Variants in INPP5B observed in about 807,000 individuals in gnomAD.
The protein encoded by INPP5B is type II inositol 1,4,5-trisphosphate 5-phosphatase.
INPP5B carries 90 observed loss-of-function variants against 118.5 expected under a neutral mutation model. That is an observed-to-expected ratio of 0.76 (90% CI 0.64 to 0.90). The LOEUF (loss-of-function observed/expected upper bound fraction) is 0.90, where lower values mean the gene tolerates loss of function less well. Ranked by LOEUF, INPP5B falls within the 40% of genes least tolerant of loss-of-function variation. The probability of loss-of-function intolerance (pLI) is 0.00; values close to 1 mark genes in which losing one functional copy is unlikely to be tolerated. For synonymous variants in INPP5B, 385 were observed against 418.9 expected, an observed-to-expected ratio of 0.92 and a Z score of 0.99; for missense variants, 984 against 1,125.6, an observed-to-expected ratio of 0.87 and a Z score of 1.80.
At chr1:37,908,524 G>T (rs541522918) in intron 7 of INPP5B, among the ~76,000 whole-genome samples, 8 of 151,244 alleles carry the variant, frequency 5.3e-5, no homozygotes, top group African/African-American at 1.5e-4. Flanking sequence ...GATAGCTTGA[G>T]CCCAGGAGTT....
At chr1:37,889,792 C>T (rs1042906852) in intron 8 of INPP5B, 68 bp from the exon 9 acceptor site, 1 of 1,238,922 alleles carries the variant, frequency 8.1e-7, no homozygotes, top group Non-Finnish European at 1.1e-6. Context: ...GAATACAAAG[C>T]TAAAAGTTCC....
intron 7 of INPP5B, chr1:37,930,342 G>A (rs1384478597): frequency 1.3e-5 from 2 of 152,220 alleles, no homozygotes; most frequent in Non-Finnish European, 2.9e-5. Flanking sequence ...ACATTTCTCA[G>A]TCGGGGCAGC....
intron 16 of INPP5B, 150 bp downstream of exon 16, chr1:37,878,037 AC>A: frequency 1.1e-5 from 10 of 934,764 alleles, no homozygotes; most frequent in Non-Finnish European, 1.3e-5. Context: ...ACAATTATTA[AC>A]CAAGTTGTTA....
At chr1:37,940,928 G>A (rs1448230880) in intron 5 of INPP5B, 130 bp from the exon 6 acceptor site, 2 of 602,788 alleles carry the variant, frequency 3.3e-6, no homozygotes, top group Non-Finnish European at 5.9e-6. Flanking sequence ...CAACTTACTT[G>A]GGACAGCTGC....
In INPP5B at chr1:37,887,402, C is replaced by T. The variant is rs139833474; in HGVS notation, c.963G>A (p.Glu321=). Reference sequence around the variant, plus strand: ...GACCCTCTGACACAGCTTTGAACCACTCTTCCTCCTTTGGGGTATCGTGAA... The same window carrying T: ...GACCCTCTGACACAGCTTTGAACCATTCTTCCTCCTTTGGGGTATCGTGAA... ...FFFHDTPKEE[E]WFKAVSEGLH... The change falls in exon 11 of 24, where the codon GAG becomes GAA. Residue 321 remains glutamate (E), a synonymous_variant. Transcript: ENST00000373024. 2,987 of 1,613,932 alleles carry T rather than the reference C, an allele frequency of 1.9e-3. 5 individuals are homozygous for T. Among genetic ancestry groups the T allele is most frequent in the Non-Finnish European group, 2.3e-3 (2,748 of 1,179,838 alleles).
At chr1:37,922,522 C>G (rs999898611) in intron 7 of INPP5B, among the ~76,000 whole-genome samples, 7 of 151,378 alleles carry the variant, frequency 4.6e-5, no homozygotes, top group Non-Finnish European at 1.0e-4. Flanking sequence ...GGTGAAACCC[C>G]ATCTCTACTA....
intron 20 of INPP5B, among the ~76,000 whole-genome samples, 164 bp from the exon 21 acceptor site, chr1:37,866,707 T>C (rs1178110043): frequency 6.6e-6 from 1 of 152,228 alleles, no homozygotes; most frequent in African/African-American, 2.4e-5. Context: ...CGAATTCATC[T>C]TGCAGGCCTT....
At position 37,901,780 on chromosome 1, in the gene INPP5B, C is replaced by T. The variant is rs74375449; in HGVS notation, c.533-10326G>A. 0.017 allele frequency among the ~76,000 whole-genome samples: 2,514 copies of T among 152,186 alleles called. 149 individuals are homozygous for T. The East Asian group carries it at 0.22, about 13-fold the overall frequency. ...GCACGGAAGCTGGCTGTCAGAGCAG[C>T]TCTTGACCAGATTTGCCATTACACA... On this transcript the variant is annotated intron_variant, in intron 7 of 23. Coordinates refer to ENST00000373024, the MANE Select transcript of INPP5B (RefSeq NM_005540.3).
intron 7 of INPP5B, among the ~76,000 whole-genome samples, chr1:37,896,630 C>A (rs1454734412): frequency 2.4e-4 from 34 of 143,218 alleles, no homozygotes; most frequent in Middle Eastern, 4.3e-3. Flanking sequence ...GCCAGCCGCC[C>A]CGTCCGGGAG....
chr1:37,894,364 T>C (rs867578305), intron 7 of INPP5B, among the ~76,000 whole-genome samples: 7 of 152,138 alleles, frequency 4.6e-5, no homozygotes, highest in Non-Finnish European at 8.8e-5. Context: ...ACAGTCTTGA[T>C]TGCTGTGTAC....
rs1165929532 is a variant in INPP5B at position 37,931,993 on chromosome 1, T to A, written c.452A>T (p.Glu151Val). The A allele has an allele frequency of 6.2e-7, 1 of 1,613,560 alleles. No individual in the cohort carries two copies. Among genetic ancestry groups the A allele is most frequent in the South Asian group, 1.1e-5 (1 of 91,062 alleles). Residue 151 changes from glutamate (E) to valine (V), a missense_variant, in exon 7 of 24, where the codon GAG (glutamate) becomes GTG (valine). By Grantham distance (121) the Glu-to-Val change is moderately radical (BLOSUM62 -2). Around this residue, in one of 2 missense-constraint regions of INPP5B, gnomAD observed 350 missense variants for 334.6 expected, o/e 1.05. Transcript: ENST00000373024. ...CGGCGTTGGCATCTCCAGCTCCAGC[T>A]CTGCGCACCTATACCGAGACAGCCA... The part of the protein sequence containing the change: ...FLWLSRYRCA[E>V]LELEMPTPRG...
In INPP5B at chr1:37,878,339, C is replaced by G. The variant is rs1403528871; in HGVS notation, c.1542-16G>C. ...GCACTTCTCACTGAAATGCAAAGTC[C>G]ACACTGGAAGTACTCACAGAAACAG... On this transcript the variant is annotated splice_polypyrimidine_tract_variant and intron_variant, in intron 15 of 23. Transcript: ENST00000373024. The G allele has an allele frequency of 6.2e-7, 1 of 1,613,400 alleles. No homozygotes were observed. The highest frequency in any genetic ancestry group is 1.3e-5 in the African/African-American group (1 of 74,926).
chr1:37,943,699 G>C (rs1446046270), intron 4 of INPP5B, 30 bp from the exon 5 acceptor site: 1 of 1,613,882 alleles, frequency 6.2e-7, no homozygotes, highest in East Asian at 2.2e-5. Flanking sequence ...AATGCCCTTA[G>C]CAATTGAGCT....
intron 15 of INPP5B, among the ~76,000 whole-genome samples, chr1:37,879,265 C>T (rs936162412): frequency 2.7e-5 from 4 of 149,702 alleles, no homozygotes; most frequent in Admixed American, 6.6e-5. Context: ...AGTGAGACTC[C>T]GTCTCAAAAA....
intron 18 of INPP5B, 47 bp downstream of exon 18, chr1:37,873,946 G>C (rs148391949): frequency 7.1e-7 from 1 of 1,413,692 alleles, no homozygotes; most frequent in East Asian, 2.4e-5. Flanking sequence ...TATAGAGTAA[G>C]GCATTCCCCA....
chr1:37,872,370 CA>C (rs371968500), intron 19 of INPP5B, among the ~76,000 whole-genome samples: 20 of 102,096 alleles, frequency 2.0e-4, no homozygotes, highest in South Asian at 3.6e-4. Context: ...AACTCCGTCT[CA>C]AAAAAAAAAA....
At chr1:37,932,868 C>G (rs1645542667) in intron 6 of INPP5B, among the ~76,000 whole-genome samples, 1 of 152,134 alleles carries the variant, frequency 6.6e-6, no homozygotes, top group Non-Finnish European at 1.5e-5. Flanking sequence ...TGAAATATAT[C>G]AAGACAAGTC....
intron 7 of INPP5B, among the ~76,000 whole-genome samples, chr1:37,897,566 A>C (rs955254350): frequency 3.7e-4 from 56 of 150,120 alleles, no homozygotes; most frequent in Non-Finnish European, 6.1e-4. Flanking sequence ...ACCACTCCCT[A>C]ATCTCAAGTA....
At chr1:37,929,540 C>T in intron 7 of INPP5B, 1 of 152,028 alleles carries the variant, frequency 6.6e-6, no homozygotes, top group Non-Finnish European at 1.5e-5. Flanking sequence ...GGGCCTGTAT[C>T]GACATCCAAA....
Sources: gnomAD v4.1 joint callset for allele counts (sites outside exome capture counted in the v4.1 genomes callset) on GRCh38, gnomAD v4.1.1 for gene constraint, gnomAD v4.1.1 regional missense constraint, MANE v1.5 for transcripts, NCBI Gene and HGNC (gene_info 2026-07-23, HGNC 2026-07-21) for gene names.